The following TMTC2 variants were observed in gnomAD, a reference collection of about 807,000 sequenced individuals.
The protein encoded by TMTC2 is protein O-mannosyl-transferase TMTC2.
A neutral mutation model predicts 82.4 loss-of-function variants in TMTC2; 43 were observed. That is an observed-to-expected ratio of 0.52 (90% CI 0.41 to 0.67). TMTC2 has a LOEUF of 0.67. TMTC2 is among the 30% of genes least tolerant of loss of function. TMTC2 has a pLI of 0.00. For synonymous variants in TMTC2, 408 were observed against 381.9 expected (o/e 1.07, Z -0.80); for missense variants, 919 against 1,012.4 (o/e 0.91, Z 1.25).
At chr12:83,017,679 CAA>C (rs1174654273) in intron 8 of TMTC2, among the ~76,000 whole-genome samples, 2 of 151,820 alleles carry the variant, frequency 1.3e-5, no homozygotes, top group East Asian at 1.9e-4. Context: ...GCAGTGGAAA[CAA>C]GAGAGAATGA....
At chr12:82,996,721 T>A (rs184160842) in intron 8 of TMTC2, among the ~76,000 whole-genome samples, 25 of 152,260 alleles carry the variant, frequency 1.6e-4, no homozygotes. Context: ...AATGGAGAAA[T>A]AAGTATTGTG....
intron 2 of TMTC2, among the ~76,000 whole-genome samples, chr12:82,862,831 C>A (rs1871617244): frequency 6.6e-6 from 1 of 152,162 alleles, no homozygotes; most frequent in Admixed American, 6.5e-5. Context: ...CTAACAACCC[C>A]ATATTTCCAA....
At chr12:83,094,778 G>C (rs1883966243) in intron 11 of TMTC2, among the ~76,000 whole-genome samples, 1 of 152,188 alleles carries the variant, frequency 6.6e-6, no homozygotes, top group African/African-American at 2.4e-5. Flanking sequence ...TCTAGCTTAG[G>C]CGACTAAGTA....
At chr12:82,698,976 A>C (rs1872945236) in intron 1 of TMTC2, among the ~76,000 whole-genome samples, 1 of 152,300 alleles carries the variant, frequency 6.6e-6, no homozygotes, top group South Asian at 2.1e-4. Flanking sequence ...TGTGCCCTTT[A>C]CAACTTATGA....
chr12:83,111,615 G>A (rs1201433307), intron 11 of TMTC2, among the ~76,000 whole-genome samples: 1 of 151,990 alleles, frequency 6.6e-6, no homozygotes, highest in East Asian at 1.9e-4. Flanking sequence ...ATGTTAAAAT[G>A]TATCACAATA....
At chr12:82,789,754 T>C (rs961123687) in intron 1 of TMTC2, among the ~76,000 whole-genome samples, 3 of 152,166 alleles carry the variant, frequency 2.0e-5, no homozygotes, top group African/African-American at 7.2e-5. Context: ...TTGAATCTAT[T>C]GTAAGATCAT....
At chr12:82,793,390 G>A (rs56834199) in intron 1 of TMTC2, among the ~76,000 whole-genome samples, 1,867 of 140,536 alleles carry the variant, frequency 0.013, 40 homozygotes, top group African/African-American at 0.046. Context: ...TTCAAAATTA[G>A]AATATATCTT....
intron 11 of TMTC2, among the ~76,000 whole-genome samples, chr12:83,100,554 A>G (rs1884184351): frequency 6.6e-6 from 1 of 152,146 alleles, no homozygotes; most frequent in African/African-American, 2.4e-5. Flanking sequence ...GGACATACAT[A>G]TATTGTTTTG....
intron 1 of TMTC2, among the ~76,000 whole-genome samples, chr12:82,816,408 C>T (rs1418766430): frequency 1.3e-5 from 2 of 152,116 alleles, no homozygotes; most frequent in East Asian, 3.9e-4. Flanking sequence ...GAAATGGGCT[C>T]CGTTAACACT....
intron 1 of TMTC2, among the ~76,000 whole-genome samples, chr12:82,813,641 G>A (rs1868524841): frequency 6.6e-6 from 1 of 152,016 alleles, no homozygotes; most frequent in African/African-American, 2.4e-5. Context: ...TTTTTTGGCA[G>A]TCAGTTTATG....
At chr12:83,079,162 A>AT (rs200649784) in intron 11 of TMTC2, among the ~76,000 whole-genome samples, 135 of 151,368 alleles carry the variant, frequency 8.9e-4, no homozygotes, top group African/African-American at 2.8e-3. Context: ...TCTATCAGTT[A>AT]TTTTTTTTTC....
At chr12:83,023,149 G>A (rs10862551) in intron 8 of TMTC2, among the ~76,000 whole-genome samples, 89,855 of 151,762 alleles carry the variant, frequency 0.59, 27,108 homozygotes, top group South Asian at 0.73. Flanking sequence ...TATTTTAATA[G>A]CGTGTCATAT....
intron 3 of TMTC2, among the ~76,000 whole-genome samples, chr12:82,925,811 A>AT (rs1192887723): frequency 6.6e-6 from 1 of 152,118 alleles, no homozygotes; most frequent in African/African-American, 2.4e-5. Flanking sequence ...AGACAAAAAA[A>AT]ATATTGAAAT....
intron 1 of TMTC2, among the ~76,000 whole-genome samples, chr12:82,816,080 A>T (rs1868694868): frequency 6.6e-6 from 1 of 151,948 alleles, no homozygotes; most frequent in African/African-American, 2.4e-5. Flanking sequence ...GGCATGAATG[A>T]GCAAACTTTG....
intron 1 of TMTC2, among the ~76,000 whole-genome samples, chr12:82,796,922 T>G (rs1878746890): frequency 6.6e-6 from 1 of 152,164 alleles, no homozygotes; most frequent in African/African-American, 2.4e-5. Context: ...TTGTGAAGTT[T>G]TATTGACTTC....
At chr12:83,121,077 C>T (rs1433617257) in intron 11 of TMTC2, among the ~76,000 whole-genome samples, 1 of 152,032 alleles carries the variant, frequency 6.6e-6, no homozygotes, top group Non-Finnish European at 1.5e-5. Context: ...TTGTTAATTT[C>T]CTTACTTTGG....
intron 2 of TMTC2, among the ~76,000 whole-genome samples, chr12:82,877,030 T>C (rs1592595354): frequency 6.6e-6 from 1 of 150,992 alleles, no homozygotes; most frequent in Non-Finnish European, 1.5e-5. Context: ...ATAAAGATCA[T>C]ATGTTTGGCT....
At position 82,896,033 on chromosome 12, in the gene TMTC2, C is replaced by T; in HGVS notation, c.870C>T (p.Leu290=). Residue 290 remains leucine (L), a synonymous_variant, in exon 3 of 12, where the codon CTC becomes CTT. Coordinates refer to ENST00000321196, the MANE Select transcript of TMTC2 (RefSeq NM_152588.3). ...GGCTGTTGCTATGTCCAGATACCCT[C>T]AGTTTTGATTGGTCAATGGATGCTG... ...NLWLLLCPDT[L]SFDWSMDAVP... is the part of the protein sequence containing the mutation. 6.2e-7 allele frequency: 1 copy of T among 1,613,988 alleles called. No homozygotes were observed. The highest frequency in any genetic ancestry group is 8.5e-7 in the Non-Finnish European group (1 of 1,180,018).
chr12:82,948,981 G>A (rs768964014), intron 4 of TMTC2, among the ~76,000 whole-genome samples: 33 of 152,014 alleles, frequency 2.2e-4, no homozygotes, highest in Non-Finnish European at 2.2e-4. Flanking sequence ...CAGCATTGGC[G>A]CTGCTTTTTA....
Sources: gnomAD v4.1 joint callset for allele counts (sites outside exome capture counted in the v4.1 genomes callset) on GRCh38, gnomAD v4.1.1 for gene constraint, MANE v1.5 for transcripts, NCBI Gene and HGNC (gene_info 2026-07-23, HGNC 2026-07-21) for gene names.